The following PERP variants were observed in gnomAD, a reference collection of about 807,000 sequenced individuals.
PERP encodes the protein p53 apoptosis effector related to PMP-22.
Under a neutral mutation model 20.3 loss-of-function variants are expected in PERP, and 11 were observed. The ratio of observed to expected loss-of-function variants is 0.54; its 90% CI spans 0.34 to 0.90. The LOEUF (loss-of-function observed/expected upper bound fraction) is 0.90. Ranked by LOEUF, PERP falls within the 40% of genes least tolerant of loss-of-function variation. The pLI is 0.02. For missense variants in PERP, 224 were observed against 249.4 expected (o/e 0.90, Z 0.69); for synonymous variants, 101 against 102.0 (o/e 0.99, Z 0.06).
chr6:138,101,300 G>T (rs1775768339), intron 1 of PERP, among the ~76,000 whole-genome samples: 1 of 152,144 alleles, frequency 6.6e-6, no homozygotes, highest in Non-Finnish European at 1.5e-5. Flanking sequence ...CACCTGGGAG[G>T]CAGAGGTTGC....
chr6:138,107,320 G>A lies in PERP; in HGVS notation c.21C>T (p.Ala7=). MIRCGL[A]CERCRWILPL... Reference sequence around the variant, plus strand: ...GCAGGATCCAGCGGCAGCGCTCGCAGGCCAGGCCGCAGCGGATCATGTTGA... The same window carrying A: ...GCAGGATCCAGCGGCAGCGCTCGCAAGCCAGGCCGCAGCGGATCATGTTGA... Residue 7 remains alanine, a synonymous_variant, in exon 1 of 3, where the codon GCC becomes GCT. Transcript: ENST00000421351. The surrounding 1 kb of genome is among the most constrained non-coding windows in gnomAD (Gnocchi z 4.8). 6.2e-7 allele frequency: 1 copy of A among 1,601,388 alleles called. No individual in the cohort carries two copies. Among genetic ancestry groups the A allele is most frequent in the Non-Finnish European group, 8.5e-7 (1 of 1,176,990 alleles).
In PERP at chr6:138,088,511, TC is replaced by T. The variant is rs1313003212; in HGVS notation, c.*3530del. The T allele has an allele frequency of 1.3e-5, 2 of 152,238 alleles. No individual in the cohort carries two copies. The highest frequency in any genetic ancestry group is 1.3e-4 in the Admixed American group (2 of 15,284). The allele number at this position is 152,238 out of a possible 1,614,324, so 9.4% of individuals were successfully genotyped here. ...ACGCATGCTCACACACTTCTGAGTT[TC>T]CCTTTGTTTATTTTTGCAGCCAACA... On this transcript the variant is annotated 3_prime_UTR_variant, in exon 3 of 3. Transcript: ENST00000421351.
chr6:138,090,082 T>G lies in PERP; in HGVS notation c.*1960A>C, dbSNP rs1446859975. On this transcript the variant is annotated 3_prime_UTR_variant, in exon 3 of 3. Transcript: ENST00000421351. ...TAAAAGATGGGATTTTTAACATTTT[T>G]AATGACCACTTCAAATTCTCCACCA... 1 of 152,202 alleles carries G rather than the reference T, an allele frequency of 6.6e-6. No homozygotes were observed. Among genetic ancestry groups the G allele is most frequent in the Admixed American group, 6.5e-5 (1 of 15,282 alleles). 9.4% of individuals were successfully genotyped at this position (152,202 alleles called of 1,614,324 possible).
At position 138,107,380 on chromosome 6, in the gene PERP, C is replaced by T; in HGVS notation, c.-40G>A. The T allele has an allele frequency of 6.8e-7, 1 of 1,478,908 alleles. No homozygotes were observed. Among genetic ancestry groups the T allele is most frequent in the Non-Finnish European group, 8.9e-7 (1 of 1,118,048 alleles). 91.6% of individuals were successfully genotyped at this position (1,478,908 alleles called of 1,614,324 possible). A position where few individuals can be genotyped will look rare whatever the true frequency, so the allele number is the denominator to read the frequency against. On this transcript the variant is annotated 5_prime_UTR_variant, in exon 1 of 3. Coordinates refer to ENST00000421351, the MANE Select transcript of PERP (RefSeq NM_022121.5). This position sits in a 1 kb window ranked among gnomAD's most constrained non-coding sequence, Gnocchi z 4.8. The stretch of plus-strand genomic sequence containing the variant: ...CGGGGCCGAGCGGAGCGGAGCGGAG[C>T]GGGTCGGAGGAGCGCGCGGGACGGG...
intron 1 of PERP, among the ~76,000 whole-genome samples, chr6:138,104,367 G>A (rs945504695): frequency 2.0e-5 from 3 of 152,136 alleles, no homozygotes; most frequent in Non-Finnish European, 4.4e-5. Context: ...AATATTCAGC[G>A]AATAATTTGG....
rs530236828 is a variant in PERP at position 138,091,309 on chromosome 6, A to G, written c.*733T>C. 3 of 152,328 alleles carry G rather than the reference A, an allele frequency of 2.0e-5. No homozygotes were observed. In the South Asian group the frequency reaches 6.2e-4, roughly 32 times the overall value. 9.4% of individuals were successfully genotyped at this position (152,328 alleles called of 1,614,324 possible). A position where few individuals can be genotyped will look rare whatever the true frequency, so the allele number is the denominator to read the frequency against. ...AAACACAAAACACTACAGATTTATT[A>G]ATATAGCATTTTCCCACACCCTAAC... On this transcript the variant is annotated 3_prime_UTR_variant, in exon 3 of 3. Transcript: ENST00000421351.
rs753385245 is a variant in PERP, at chr6:138,092,250, G to A, written c.374C>T (p.Ser125Phe). Residue 125 changes from serine to phenylalanine, a missense_variant, in exon 3 of 3, where the codon TCC becomes TTC. By Grantham distance (155) the Ser-to-Phe change is radical (BLOSUM62 -2). Transcript: ENST00000421351. ...GTACTTCACGGGGTAAATTACCAGG[G>A]AGATGATCTGGAACACAGCTAAAGG... ...LALAAVFQII[S>F]LVIYPVKYTQ... The A allele has an allele frequency of 7.4e-6, 12 of 1,613,770 alleles. No homozygotes were observed. Among genetic ancestry groups the A allele is most frequent in the East Asian group, 2.2e-5 (1 of 44,900 alleles).
chr6:138,095,930 A>C (rs1775682248), intron 2 of PERP, among the ~76,000 whole-genome samples: 1 of 152,168 alleles, frequency 6.6e-6, no homozygotes, highest in Non-Finnish European at 1.5e-5. Context: ...GACCCACATC[A>C]TAAGATCACA....
intron 2 of PERP, among the ~76,000 whole-genome samples, chr6:138,094,269 G>T (rs1775640919): frequency 6.6e-6 from 1 of 151,972 alleles, no homozygotes; most frequent in East Asian, 1.9e-4. Context: ...CATAAACTCA[G>T]TATCTCTTAA....
chr6:138,103,533 A>G (rs1376590930), intron 1 of PERP, among the ~76,000 whole-genome samples: 2 of 152,188 alleles, frequency 1.3e-5, no homozygotes, highest in Non-Finnish European at 2.9e-5. Context: ...AGTCCTTTCA[A>G]TCAGTGGTCC....
At chr6:138,096,103 A>G (rs1775685966) in intron 2 of PERP, among the ~76,000 whole-genome samples, 1 of 152,114 alleles carries the variant, frequency 6.6e-6, no homozygotes, top group Non-Finnish European at 1.5e-5. Context: ...GCCCCCTAAG[A>G]GAGATAGGGG....
intron 2 of PERP, among the ~76,000 whole-genome samples, chr6:138,093,015 C>T (rs1350855413): frequency 6.6e-6 from 1 of 152,070 alleles, no homozygotes; most frequent in Non-Finnish European, 1.5e-5. Flanking sequence ...AACTCTCTGG[C>T]ATAATAGTCA....
intron 1 of PERP, among the ~76,000 whole-genome samples, chr6:138,105,085 G>A (rs1300871167): frequency 6.6e-6 from 1 of 152,224 alleles, no homozygotes; most frequent in African/African-American, 2.4e-5. Flanking sequence ...GCCACTTCAT[G>A]ACAGCGGATC....
intron 2 of PERP, among the ~76,000 whole-genome samples, chr6:138,093,398 C>T (rs1375677273): frequency 6.6e-6 from 1 of 151,300 alleles, no homozygotes; most frequent in Non-Finnish European, 1.5e-5. Flanking sequence ...TTTTTTTTCA[C>T]TGCTAGAAAG....
Position 138,107,074 on chromosome 6 carries a change from G to A in PERP, c.214+53C>T, listed in dbSNP as rs1407355927. ...TCACGCGCGGCGGCTTTTGCAGGCC[G>A]CGGCCCCGAGGGCTTCCTGGAGGCG... is the stretch of plus-strand genomic sequence containing the variant. On this transcript the variant is annotated intron_variant, in intron 1 of 2. Transcript: ENST00000421351. This position sits in a 1 kb window ranked among gnomAD's most constrained non-coding sequence, Gnocchi z 4.8. 1.3e-6 allele frequency: 2 copies of A among 1,537,760 alleles called. No homozygotes were observed. Among genetic ancestry groups the A allele is most frequent in the African/African-American group, 2.8e-5 (2 of 72,196 alleles).
chr6:138,102,924 C>A (rs1056538546), intron 1 of PERP, among the ~76,000 whole-genome samples: 1 of 151,634 alleles, frequency 6.6e-6, no homozygotes, highest in Non-Finnish European at 1.5e-5. Flanking sequence ...ATGGTGAAAC[C>A]CCGTCTCTAC....
chr6:138,096,834 T>C (rs1775701948), intron 1 of PERP, among the ~76,000 whole-genome samples: 1 of 152,228 alleles, frequency 6.6e-6, no homozygotes. Context: ...TTCACCCAAG[T>C]TCTGACACAA....
At chr6:138,094,045 T>C (rs2114331150) in intron 2 of PERP, among the ~76,000 whole-genome samples, 1 of 152,350 alleles carries the variant, frequency 6.6e-6, no homozygotes, top group South Asian at 2.1e-4. Context: ...TCACTGTGGA[T>C]GGCCATTGCT....
At chr6:138,097,733 A>G (rs1391718928) in intron 1 of PERP, among the ~76,000 whole-genome samples, 1 of 152,252 alleles carries the variant, frequency 6.6e-6, no homozygotes, top group East Asian at 1.9e-4. Flanking sequence ...AATCCAAAAC[A>G]TGACTTTTTT....
Sources: allele counts gnomAD v4.1 joint callset (sites outside exome capture counted in the v4.1 genomes callset), GRCh38; gene constraint gnomAD v4.1.1; non-coding constraint Gnocchi (gnomAD v3.1); transcripts MANE v1.5; gene names NCBI Gene and HGNC (gene_info 2026-07-23, HGNC 2026-07-21).